The following CSMD1 variants were observed in gnomAD, a reference collection of about 807,000 sequenced individuals.
CSMD1 encodes the protein CUB and sushi domain-containing protein 1.
A neutral mutation model predicts 417.5 loss-of-function variants in CSMD1; 213 were observed. The observed-to-expected ratio is 0.51, with a 90% CI of 0.46 to 0.57. CSMD1 has a LOEUF of 0.57. Ranked by LOEUF, CSMD1 falls within the 20% of genes least tolerant of loss-of-function variation. The pLI is 0.00. For missense variants in CSMD1, 6,923 were observed against 4,529.7 expected (o/e 1.53, Z -15.17); for synonymous variants, 2,862 against 1,736.8 (o/e 1.65, Z -16.11).
At chr8:4,664,599 T>G (rs1804803416) in intron 1 of CSMD1, among the ~76,000 whole-genome samples, 1 of 152,146 alleles carries the variant, frequency 6.6e-6, no homozygotes, top group African/African-American at 2.4e-5. Flanking sequence ...AATAAATACA[T>G]TTTTAAAGGA....
At position 4,072,521 on chromosome 8, in the gene CSMD1, A is replaced by C. The variant is rs911905833; in HGVS notation, c.416-40422T>G. On this transcript the variant is annotated intron_variant, in intron 3 of 69. Transcript: ENST00000635120. Reference sequence around the variant, plus strand: ...AATCCATGCAATTGCTGAAAGCTCTAAACAGGAATCACATAGTTTTAAGTA... The same window carrying C: ...AATCCATGCAATTGCTGAAAGCTCTCAACAGGAATCACATAGTTTTAAGTA... Among the ~76,000 whole-genome samples the C allele has an allele frequency of 5.9e-5, 9 of 152,292 alleles. No homozygotes were observed. In the East Asian group the frequency reaches 1.5e-3, roughly 26 times the overall value.
chr8:3,311,314 A>T (rs568192587), intron 23 of CSMD1, among the ~76,000 whole-genome samples: 78 of 152,192 alleles, frequency 5.1e-4, no homozygotes, highest in Middle Eastern at 6.8e-3. Flanking sequence ...CAGTGGCATG[A>T]TCTCGGCTCA....
chr8:4,372,348 C>G (rs1411080484), intron 3 of CSMD1, among the ~76,000 whole-genome samples: 4 of 152,102 alleles, frequency 2.6e-5, no homozygotes, highest in Non-Finnish European at 5.9e-5. Flanking sequence ...AGGAGGAACG[C>G]TTAGTGTTTC....
chr8:4,569,933 G>A (rs536366977), intron 2 of CSMD1, among the ~76,000 whole-genome samples: 1 of 151,866 alleles, frequency 6.6e-6, no homozygotes, highest in Non-Finnish European at 1.5e-5. Context: ...TTATGATTTG[G>A]CTCTCTGTCT....
chr8:3,890,054 C>A (rs1423101646), intron 5 of CSMD1, among the ~76,000 whole-genome samples: 65 of 151,958 alleles, frequency 4.3e-4, no homozygotes, highest in Non-Finnish European at 1.9e-4. Flanking sequence ...TTTCTGAATC[C>A]CAATTTATCA....
intron 10 of CSMD1, among the ~76,000 whole-genome samples, chr8:3,565,815 T>C (rs564564787): frequency 1.3e-5 from 2 of 151,470 alleles, no homozygotes; most frequent in South Asian, 4.1e-4. Flanking sequence ...CTCTCAAATA[T>C]ATTGTTTTTT....
chr8:3,049,684 T>C (rs1421625612), intron 50 of CSMD1, among the ~76,000 whole-genome samples: 3 of 152,104 alleles, frequency 2.0e-5, no homozygotes, highest in Non-Finnish European at 2.9e-5. Context: ...GATACTATCA[T>C]GGTGGATCCC....
intron 17 of CSMD1, among the ~76,000 whole-genome samples, chr8:3,390,421 A>G (rs1005466406): frequency 1.3e-5 from 2 of 151,074 alleles, no homozygotes; most frequent in Non-Finnish European, 2.9e-5. Flanking sequence ...GGAACAATAC[A>G]TTTATGATAA....
intron 1 of CSMD1, among the ~76,000 whole-genome samples, chr8:4,886,066 C>T (rs1803719560): frequency 6.6e-6 from 1 of 152,124 alleles, no homozygotes; most frequent in Non-Finnish European, 1.5e-5. Flanking sequence ...TCTTGGATCA[C>T]TGCAACCTCC....
At chr8:4,141,511 A>C (rs34149939) in intron 3 of CSMD1, among the ~76,000 whole-genome samples, 45,375 of 150,976 alleles carry the variant, frequency 0.3, 8,497 homozygotes, top group Non-Finnish European at 0.39. Flanking sequence ...CCTGAGAGTT[A>C]TTCGCTACAT....
chr8:3,813,722 A>G (rs1194490145), intron 5 of CSMD1, among the ~76,000 whole-genome samples: 1 of 152,186 alleles, frequency 6.6e-6, no homozygotes, highest in African/African-American at 2.4e-5. Flanking sequence ...CCTATACCAA[A>G]TGGTCCATGG....
chr8:3,655,103 T>C (rs1210458965), intron 7 of CSMD1, among the ~76,000 whole-genome samples: 3 of 152,246 alleles, frequency 2.0e-5, no homozygotes, highest in Non-Finnish European at 2.9e-5. Context: ...ATTCAAAATA[T>C]GAAAATACAC....
intron 5 of CSMD1, among the ~76,000 whole-genome samples, chr8:3,839,548 T>G (rs1242895286): frequency 1.2e-5 from 1 of 85,416 alleles, no homozygotes; most frequent in African/African-American, 4.2e-5. Context: ...TTATATATTA[T>G]ATATATATTA....
At chr8:4,166,316 G>A (rs370703990) in intron 3 of CSMD1, among the ~76,000 whole-genome samples, 1 of 151,980 alleles carries the variant, frequency 6.6e-6, no homozygotes, top group Non-Finnish European at 1.5e-5. Flanking sequence ...TATCTTTTTT[G>A]TAACAGGTCT....
intron 1 of CSMD1, among the ~76,000 whole-genome samples, chr8:4,844,892 G>A (rs1801044015): frequency 1.3e-5 from 2 of 152,038 alleles, no homozygotes; most frequent in African/African-American, 4.8e-5. Context: ...TACCCCCACA[G>A]TATACAAGAG....
intron 1 of CSMD1, among the ~76,000 whole-genome samples, chr8:4,825,055 G>A (rs1367964351): frequency 2.0e-5 from 3 of 152,032 alleles, no homozygotes; most frequent in Non-Finnish European, 2.9e-5. Flanking sequence ...AAGCTTCTCT[G>A]CAGTTTATTC....
At chr8:4,617,221 A>G (rs1461942261) in intron 2 of CSMD1, among the ~76,000 whole-genome samples, 1 of 152,216 alleles carries the variant, frequency 6.6e-6, no homozygotes, top group African/African-American at 2.4e-5. Flanking sequence ...TTATACAAAT[A>G]GTGAATAAAG....
chr8:3,499,765 C>G (rs7013205), intron 10 of CSMD1, among the ~76,000 whole-genome samples: 2 of 151,640 alleles, frequency 1.3e-5, no homozygotes, highest in Non-Finnish European at 2.9e-5. Context: ...GTCCTGCATC[C>G]TTCTCCTTGG....
At chr8:3,212,081 T>G (rs924674484) in intron 30 of CSMD1, among the ~76,000 whole-genome samples, 1 of 152,172 alleles carries the variant, frequency 6.6e-6, no homozygotes, top group African/African-American at 2.4e-5. Context: ...ACCTTGGTCT[T>G]GACCTGTAAT....
Sources: gnomAD v4.1 joint callset for allele counts (sites outside exome capture counted in the v4.1 genomes callset) on GRCh38, gnomAD v4.1.1 for gene constraint, MANE v1.5 for transcripts, NCBI Gene and HGNC (gene_info 2026-07-23, HGNC 2026-07-21) for gene names.